The following MITF variants were observed in gnomAD, a reference collection of about 807,000 sequenced individuals.
MITF encodes melanocyte inducing transcription factor, also known as microphthalmia-associated transcription factor.
In MITF, 17 loss-of-function variants were observed where a neutral mutation model predicts 60.5. The observed-to-expected ratio is 0.28, with a 90% CI of 0.19 to 0.42. MITF has a LOEUF of 0.42. MITF is among the 10% of genes least tolerant of loss of function. The pLI is 1.00. For missense variants in MITF, 622 were observed against 683.5 expected (o/e 0.91, Z 1.00); for synonymous variants, 260 against 248.5 (o/e 1.05, Z -0.43).
At chr3:69,917,938 G>A (rs958873081) in intron 2 of MITF, among the ~76,000 whole-genome samples, 2 of 152,118 alleles carry the variant, frequency 1.3e-5, no homozygotes, top group Non-Finnish European at 1.5e-5. Flanking sequence ...TTGATCAATA[G>A]AAAGACAAAT....
At chr3:69,909,459 G>T (rs1214490600) in intron 2 of MITF, among the ~76,000 whole-genome samples, 1 of 152,200 alleles carries the variant, frequency 6.6e-6, no homozygotes, top group Non-Finnish European at 1.5e-5. Flanking sequence ...AGCGACTTTG[G>T]AATTGTGTAA....
At chr3:69,961,591 G>T (rs571933643) in intron 9 of MITF, among the ~76,000 whole-genome samples, 2 of 151,626 alleles carry the variant, frequency 1.3e-5, no homozygotes, top group South Asian at 4.2e-4. Context: ...AAAATTAGCT[G>T]GGCATGGTGG....
chr3:69,948,871 A>G (rs2066168073), intron 5 of MITF, among the ~76,000 whole-genome samples, 180 bp from the exon 6 acceptor site: 1 of 152,118 alleles, frequency 6.6e-6, no homozygotes, highest in Non-Finnish European at 1.5e-5. Context: ...GAGATCCTGT[A>G]CCTCTCTTTT....
At chr3:69,908,023 TTTG>T (rs1368575037) in intron 2 of MITF, among the ~76,000 whole-genome samples, 6 of 152,314 alleles carry the variant, frequency 3.9e-5, no homozygotes, top group Non-Finnish European at 8.8e-5. Flanking sequence ...TCCAGCTTTT[TTTG>T]TTGTTGTTTG....
intron 1 of MITF, among the ~76,000 whole-genome samples, chr3:69,821,690 T>TAAAAAAAAAAAAAAAAAAAA: frequency 8.8e-6 from 1 of 113,254 alleles, no homozygotes; most frequent in Non-Finnish European, 1.8e-5. Flanking sequence ...AAAAAAAAAC[T>TAAAAAAAAAAAAAAAAAAAA]AAAAAAAAAA....
intron 2 of MITF, among the ~76,000 whole-genome samples, chr3:69,910,439 G>A (rs926123128): frequency 1.3e-5 from 2 of 152,160 alleles, no homozygotes; most frequent in Admixed American, 6.5e-5. Context: ...TGTGAGAAGA[G>A]GGCCACTATC....
chr3:69,906,370 AG>A (rs1380377076), intron 2 of MITF, among the ~76,000 whole-genome samples: 1 of 152,154 alleles, frequency 6.6e-6, no homozygotes, highest in Non-Finnish European at 1.5e-5. Context: ...CTTGGAGTCA[AG>A]TATTGTCTGA....
chr3:69,914,184 T>C (rs11711047), intron 2 of MITF, among the ~76,000 whole-genome samples: 62,534 of 151,944 alleles, frequency 0.41, 13,410 homozygotes, highest in African/African-American at 0.54. Flanking sequence ...TACAATGGTG[T>C]GATCTTGGCT....
At chr3:69,786,684 T>C (rs901342925) in intron 1 of MITF, among the ~76,000 whole-genome samples, 17 of 152,074 alleles carry the variant, frequency 1.1e-4, no homozygotes, top group South Asian at 8.3e-4. Flanking sequence ...CGTGTTTGCT[T>C]GTATGGGCTT....
intron 1 of MITF, chr3:69,763,950 A>G: frequency 7.4e-7 from 1 of 1,351,160 alleles, no homozygotes; most frequent in South Asian, 1.2e-5. Context: ...AAGGTAATAC[A>G]GATGATAACC....
intron 6 of MITF, 71 bp from the exon 7 acceptor site, chr3:69,951,741 A>T: frequency 8.9e-7 from 1 of 1,123,188 alleles, no homozygotes; most frequent in Non-Finnish European, 1.4e-6. Context: ...GGGAAATGAG[A>T]TATTTTGTAG....
chr3:69,931,246 A>T (rs550577649), intron 2 of MITF, among the ~76,000 whole-genome samples: 1 of 151,996 alleles, frequency 6.6e-6, no homozygotes, highest in Non-Finnish European at 1.5e-5. Context: ...TAACATATCC[A>T]CTCATAATGT....
chr3:69,884,630 G>A (rs760596105), intron 2 of MITF, among the ~76,000 whole-genome samples: 12 of 152,074 alleles, frequency 7.9e-5, no homozygotes, highest in Non-Finnish European at 1.8e-4. Flanking sequence ...AGTGATCTCT[G>A]GGCTGACACA....
chr3:69,887,581 A>C (rs1460053450), intron 2 of MITF, among the ~76,000 whole-genome samples: 1 of 152,124 alleles, frequency 6.6e-6, no homozygotes, highest in African/African-American at 2.4e-5. Flanking sequence ...TTATAACTTT[A>C]TGAAAAGGAA....
chr3:69,950,324 A>G (rs1040534763), intron 6 of MITF, among the ~76,000 whole-genome samples: 1 of 151,562 alleles, frequency 6.6e-6, no homozygotes, highest in Admixed American at 6.6e-5. Context: ...CAAAACAACA[A>G]CAACAACAAC....
chr3:69,872,319 T>TAA (rs758634990), intron 1 of MITF, among the ~76,000 whole-genome samples: 1 of 149,342 alleles, frequency 6.7e-6, no homozygotes. Flanking sequence ...CACACTTTGG[T>TAA]AAAAAAAAAA....
At chr3:69,751,171 G>T (rs1703922235) in intron 1 of MITF, among the ~76,000 whole-genome samples, 1 of 152,158 alleles carries the variant, frequency 6.6e-6, no homozygotes. Flanking sequence ...GTGGTTTTGG[G>T]CATGTCCACA....
intron 2 of MITF, among the ~76,000 whole-genome samples, chr3:69,920,555 G>A (rs769826680): frequency 3.3e-5 from 5 of 152,232 alleles, no homozygotes; most frequent in South Asian, 2.1e-4. Context: ...AAATAATGGC[G>A]TAAGCTGTCT....
intron 2 of MITF, among the ~76,000 whole-genome samples, chr3:69,937,411 AAAG>A (rs2065867480): frequency 2.7e-5 from 4 of 148,642 alleles, no homozygotes; most frequent in African/African-American, 9.9e-5. Context: ...TGTGTTTTAA[AAAG>A]AAAGCTGTTC....
Sources: gnomAD v4.1 joint callset for allele counts (sites outside exome capture counted in the v4.1 genomes callset) on GRCh38, gnomAD v4.1.1 for gene constraint, MANE v1.5 for transcripts, NCBI Gene and HGNC (gene_info 2026-07-23, HGNC 2026-07-21) for gene names.